The following FKBP9 variants were observed in gnomAD, a reference collection of about 807,000 sequenced individuals.
The protein encoded by FKBP9 is peptidyl-prolyl cis-trans isomerase FKBP9.
In FKBP9, 27 loss-of-function variants were observed where a neutral mutation model predicts 55.6. The ratio of observed to expected loss-of-function variants is 0.49; its 90% CI spans 0.36 to 0.67. The LOEUF (loss-of-function observed/expected upper bound fraction) is 0.67. Among genes scored for constraint, FKBP9 ranks in the 30% least tolerant of loss-of-function variants. The probability of loss-of-function intolerance (pLI) is 0.00; values close to 1 mark genes in which losing one functional copy is unlikely to be tolerated. For synonymous variants in FKBP9, 267 were observed against 296.5 expected (o/e 0.90, Z 1.02); for missense variants, 539 against 742.8 (o/e 0.73, Z 3.19).
At chr7:32,963,483 G>C (rs778648781) in intron 1 of FKBP9, 554 of 546,206 alleles carry the variant, frequency 1.0e-3, no homozygotes, top group Middle Eastern at 1.2e-3. Context: ...AGAAATTCTA[G>C]AGATCAGCCT....
At chr7:32,974,448 C>G (rs1784320504) in intron 1 of FKBP9, 169 bp from the exon 2 acceptor site, 1 of 489,058 alleles carries the variant, frequency 2.0e-6, no homozygotes, top group Non-Finnish European at 3.7e-6. Flanking sequence ...ATTTCCAACC[C>G]TACAAGTACT....
At chr7:32,976,287 G>A (rs189401487) in intron 3 of FKBP9, 67 bp from the exon 4 acceptor site, 17 of 1,597,826 alleles carry the variant, frequency 1.1e-5, no homozygotes, top group African/African-American at 1.3e-5. Flanking sequence ...AAGAAAAACC[G>A]TACGGAGAGA....
intron 1 of FKBP9, among the ~76,000 whole-genome samples, chr7:32,966,722 C>T (rs1313338395): frequency 3.9e-5 from 6 of 152,006 alleles, no homozygotes; most frequent in East Asian, 1.9e-4. Flanking sequence ...TGCATGCTGT[C>T]GTCAGCTTCT....
Position 32,984,854 on chromosome 7 carries a change from G to A in FKBP9, c.894-3653G>A, listed in dbSNP as rs566624905. Among the ~76,000 whole-genome samples the A allele has an allele frequency of 1.4e-4, 21 of 152,256 alleles. No homozygotes were observed. In the East Asian group the frequency reaches 3.3e-3, roughly 24 times the overall value. ...TGTCATTTCCTCACTGCTCTAAAAG[G>A]TGATTTTTGTTATGAACTAAATTCT... On this transcript the variant is annotated intron_variant, in intron 5 of 9. Coordinates refer to ENST00000242209, the MANE Select transcript of FKBP9 (RefSeq NM_007270.5).
At chr7:32,998,259 T>C (rs1456803498) in intron 7 of FKBP9, among the ~76,000 whole-genome samples, 1 of 148,540 alleles carries the variant, frequency 6.7e-6, no homozygotes, top group Non-Finnish European at 1.5e-5. Flanking sequence ...GTTAGAAGGG[T>C]CTGTAAGGTC....
chr7:32,990,146 TA>T (rs1784652330), intron 6 of FKBP9, among the ~76,000 whole-genome samples: 1 of 152,146 alleles, frequency 6.6e-6, no homozygotes, highest in African/African-American at 2.4e-5. Flanking sequence ...GTTACCTTAT[TA>T]AAAGGGACTT....
chr7:33,002,921 A>G (rs1417240447), intron 9 of FKBP9, 82 bp downstream of exon 9: 9 of 1,435,644 alleles, frequency 6.3e-6, no homozygotes, highest in Middle Eastern at 3.6e-4. Flanking sequence ...TCTGAAGGTA[A>G]GGACTTCTAA....
At chr7:32,988,439 A>G in intron 5 of FKBP9, 68 bp from the exon 6 acceptor site, 3 of 1,540,280 alleles carry the variant, frequency 1.9e-6, no homozygotes, top group Non-Finnish European at 2.7e-6. Context: ...TCTCTTTCCC[A>G]ACTAATTTGC....
At chr7:32,995,682 TG>T in intron 6 of FKBP9, among the ~76,000 whole-genome samples, 1 of 152,048 alleles carries the variant, frequency 6.6e-6, no homozygotes, top group East Asian at 1.9e-4. Flanking sequence ...GGGGGAGAGG[TG>T]TTTTTTTCTT....
At chr7:32,965,832 T>TATGTGTACAC (rs1554284334) in intron 1 of FKBP9, among the ~76,000 whole-genome samples, 633 of 43,292 alleles carry the variant, frequency 0.015, 6 homozygotes, top group Non-Finnish European at 0.018. Flanking sequence ...TATATATATA[T>TATGTGTACAC]ATATATATAT....
intron 4 of FKBP9, among the ~76,000 whole-genome samples, chr7:32,977,724 G>A (rs147067788): frequency 0.029 from 4,375 of 150,862 alleles, 86 homozygotes; most frequent in Non-Finnish European, 0.045. Flanking sequence ...GCTCTGTGGA[G>A]CGGAGCAGGA....
At chr7:32,969,491 C>T (rs1422350593) in intron 1 of FKBP9, among the ~76,000 whole-genome samples, 1 of 152,176 alleles carries the variant, frequency 6.6e-6, no homozygotes, top group Non-Finnish European at 1.5e-5. Flanking sequence ...ACCATCCTTA[C>T]CCACTGTGTA....
At chr7:32,958,829 C>G (rs921149960) in intron 1 of FKBP9, among the ~76,000 whole-genome samples, 4 of 152,298 alleles carry the variant, frequency 2.6e-5, no homozygotes, top group Middle Eastern at 3.4e-3. Context: ...GGTTAACAGG[C>G]CTCTCTTCGT....
At chr7:32,964,411 T>C (rs975011153) in intron 1 of FKBP9, among the ~76,000 whole-genome samples, 8 of 152,274 alleles carry the variant, frequency 5.3e-5, no homozygotes, top group African/African-American at 1.7e-4. Context: ...GTGCAGTTGC[T>C]TAAAAACAAA....
At chr7:32,977,797 A>ACT (rs1484900289) in intron 4 of FKBP9, among the ~76,000 whole-genome samples, 14 of 143,278 alleles carry the variant, frequency 9.8e-5, no homozygotes, top group African/African-American at 3.2e-4. Context: ...ATATATATAT[A>ACT]TATACTTATA....
At chr7:32,970,876 C>A (rs547211111) in intron 1 of FKBP9, among the ~76,000 whole-genome samples, 113 of 151,092 alleles carry the variant, frequency 7.5e-4, no homozygotes, top group African/African-American at 2.3e-3. Flanking sequence ...CCATGTATTT[C>A]TTTTTCTTGC....
rs763291403 is a variant in FKBP9 at position 32,957,646 on chromosome 7, G to A, written c.73G>A (p.Ala25Thr). 1 of 1,501,398 alleles carries A rather than the reference G, an allele frequency of 6.7e-7. No homozygotes were observed. Among genetic ancestry groups the A allele is most frequent in the Admixed American group, 2.2e-5 (1 of 45,360 alleles). The allele number at this position is 1,501,398 out of a possible 1,614,324, so 93.0% of individuals were successfully genotyped here. A position where few individuals can be genotyped will look rare whatever the true frequency, so the allele number is the denominator to read the frequency against. The change falls in exon 1 of 10, where the codon GCG (alanine) becomes ACG (threonine). Residue 25 changes from alanine (A) to threonine (T), a missense_variant. By Grantham distance (58) the Ala-to-Thr change is moderately conservative. This residue lies in a region of FKBP9 where 236 missense variants were observed against 271.5 expected (regional missense o/e 0.87). Coordinates refer to ENST00000242209, the MANE Select transcript of FKBP9 (RefSeq NM_007270.5). ...LLLLWVTGQA[A>T]PVAGLGSDAE... Reference sequence around the variant, plus strand: ...GCTGCTCTGGGTGACCGGGCAGGCAGCGCCCGTGGCGGGCCTGGGCTCCGA... The same window carrying A: ...GCTGCTCTGGGTGACCGGGCAGGCAACGCCCGTGGCGGGCCTGGGCTCCGA...
intron 1 of FKBP9, among the ~76,000 whole-genome samples, chr7:32,961,251 C>T (rs1301233699): frequency 1.3e-5 from 2 of 152,156 alleles, no homozygotes; most frequent in Non-Finnish European, 2.9e-5. Context: ...CTGCAGACCC[C>T]AAGGTCCAGG....
intron 1 of FKBP9, among the ~76,000 whole-genome samples, chr7:32,970,158 C>T (rs1302009647): frequency 3.3e-5 from 5 of 151,810 alleles, no homozygotes; most frequent in Admixed American, 6.6e-5. Context: ...CATCCATGAA[C>T]GAGAAATGTC....
Sources: gnomAD v4.1 joint callset for allele counts (sites outside exome capture counted in the v4.1 genomes callset) on GRCh38, gnomAD v4.1.1 for gene constraint, gnomAD v4.1.1 regional missense constraint, MANE v1.5 for transcripts, NCBI Gene and HGNC (gene_info 2026-07-23, HGNC 2026-07-21) for gene names.